Variants in FGF13 observed in about 807,000 individuals in gnomAD.
FGF13 encodes the protein fibroblast growth factor 13, also known as fibroblast growth factor homologous factor 2.
In FGF13, 2 loss-of-function variants were observed where a neutral mutation model predicts 19.5. That is an observed-to-expected ratio of 0.10 (90% CI 0.04 to 0.32). FGF13 has a LOEUF of 0.32. FGF13 is among the 10% of genes least tolerant of loss of function. The pLI is 1.00. For missense variants in FGF13, 113 were observed against 192.7 expected (o/e 0.59, Z 2.45); for synonymous variants, 72 against 76.9 (o/e 0.94, Z 0.33).
intron 1 of FGF13, among the ~76,000 whole-genome samples, chrX:139,107,607 G>A (rs919572033): frequency 9.0e-6 from 1 of 111,015 alleles, no homozygotes; most frequent in African/African-American, 3.3e-5. Context: ...GGAGGGAAAG[G>A]AGAGAGGGAG....
chrX:139,009,268 A>C (rs181752826), intron 1 of FGF13, among the ~76,000 whole-genome samples: 1 of 111,984 alleles, frequency 8.9e-6, no homozygotes, highest in East Asian at 2.8e-4. Context: ...ACCTTGCTAG[A>C]GATCTAGAAA....
intron 3 of FGF13, among the ~76,000 whole-genome samples, chrX:138,643,808 G>GT (rs1203692337): frequency 1.8e-5 from 2 of 111,270 alleles, no homozygotes; most frequent in South Asian, 3.8e-4. Flanking sequence ...CAGTATATTG[G>GT]TTTTTTTAAT....
intron 1 of FGF13, among the ~76,000 whole-genome samples, chrX:139,021,145 G>A (rs1380855189): frequency 9.0e-6 from 1 of 111,176 alleles, no homozygotes; most frequent in African/African-American, 3.3e-5. Context: ...TAAAATGTAT[G>A]TATAAATAAA....
chrX:138,826,776 C>T (rs2091037094), intron 3 of FGF13, among the ~76,000 whole-genome samples: 1 of 112,481 alleles, frequency 8.9e-6, no homozygotes, highest in Admixed American at 9.4e-5. Flanking sequence ...TGAATAATCA[C>T]TCCCATTTAC....
Position 138,632,766 on chromosome X carries a change from C to A in FGF13, c.*84G>T. 2 of 1,082,320 alleles carry A rather than the reference C, an allele frequency of 1.8e-6. No homozygotes were observed. Among genetic ancestry groups the A allele is most frequent in the Non-Finnish European group, 2.5e-6 (2 of 809,001 alleles). The allele number at this position is 1,082,320 out of a possible 1,213,427, so 89.2% of individuals were successfully genotyped here. Reference sequence around the variant, plus strand: ...GGTAAATGTCACTGACAAATTTGAACTTTTGGGTGAAGGACTGCTAGAAGA... The same window carrying A: ...GGTAAATGTCACTGACAAATTTGAAATTTTGGGTGAAGGACTGCTAGAAGA... On this transcript the variant is annotated 3_prime_UTR_variant, in exon 5 of 5. Transcript: ENST00000315930.
intron 1 of FGF13, among the ~76,000 whole-genome samples, chrX:139,048,759 T>C (rs62602238): frequency 0.13 from 13,979 of 110,576 alleles, 705 homozygotes; most frequent in South Asian, 0.19. Context: ...ATAATATATA[T>C]TTTGCACCAA....
At chrX:138,883,860 T>C (rs1335331390) in intron 1 of FGF13, among the ~76,000 whole-genome samples, 2 of 111,777 alleles carry the variant, frequency 1.8e-5, no homozygotes, top group Non-Finnish European at 3.8e-5. Flanking sequence ...TGGAAATTCA[T>C]TGGCATCCCC....
intron 1 of FGF13, among the ~76,000 whole-genome samples, chrX:138,935,263 G>A (rs1322121123): frequency 1.8e-5 from 2 of 111,276 alleles, no homozygotes; most frequent in South Asian, 3.8e-4. Context: ...AAGCTGGGAC[G>A]CTGAGCGTTT....
intron 1 of FGF13, among the ~76,000 whole-genome samples, chrX:139,102,666 C>T (rs1223453068): frequency 3.6e-5 from 4 of 112,128 alleles, no homozygotes; most frequent in African/African-American, 1.3e-4. Flanking sequence ...TGATCCCTGG[C>T]CTCAAGAGGT....
intron 1 of FGF13, among the ~76,000 whole-genome samples, chrX:139,115,095 C>G (rs1249491280): frequency 9.0e-6 from 1 of 111,602 alleles, no homozygotes; most frequent in Non-Finnish European, 1.9e-5. Flanking sequence ...GAAAACTCAA[C>G]TGGAAGTCTC....
chrX:139,124,242 T>C (rs1329446056), intron 1 of FGF13, among the ~76,000 whole-genome samples: 1 of 112,749 alleles, frequency 8.9e-6, no homozygotes. Flanking sequence ...ACAGACGTCA[T>C]GTGTTCAGCC....
chrX:138,732,015 T>C (rs2090235881), intron 1 of FGF13, among the ~76,000 whole-genome samples: 1 of 111,506 alleles, frequency 9.0e-6, no homozygotes, highest in African/African-American at 3.2e-5. Context: ...ATTAGGCAGA[T>C]GCAAATTATT....
At chrX:138,883,130 GT>G (rs2091436151) in intron 1 of FGF13, among the ~76,000 whole-genome samples, 2 of 112,310 alleles carry the variant, frequency 1.8e-5, no homozygotes, top group East Asian at 5.6e-4. Flanking sequence ...CAACAAAGAA[GT>G]TTTCTGCTGC....
At chrX:138,977,801 C>G (rs2091945826) in intron 1 of FGF13, among the ~76,000 whole-genome samples, 1 of 111,968 alleles carries the variant, frequency 8.9e-6, no homozygotes, top group African/African-American at 3.2e-5. Flanking sequence ...CGTCACTGTT[C>G]TCATGAATTA....
chrX:138,772,129 A>C (rs1166074324), intron 3 of FGF13, among the ~76,000 whole-genome samples: 2 of 102,868 alleles, frequency 1.9e-5, no homozygotes, highest in Non-Finnish European at 4.0e-5. Flanking sequence ...ATATGCACAA[A>C]ATTTATTTTA....
intron 1 of FGF13, among the ~76,000 whole-genome samples, chrX:139,117,767 C>T (rs1320034222): frequency 2.7e-5 from 3 of 111,825 alleles, no homozygotes; most frequent in Non-Finnish European, 3.8e-5. Flanking sequence ...CTCACAGATG[C>T]CTGGGGTAAT....
At chrX:138,996,255 T>TG (rs1444841150) in intron 1 of FGF13, among the ~76,000 whole-genome samples, 4 of 112,371 alleles carry the variant, frequency 3.6e-5, no homozygotes, top group African/African-American at 1.3e-4. Context: ...TGCAAGCAGT[T>TG]GGGGGATTTC....
intron 3 of FGF13, among the ~76,000 whole-genome samples, chrX:138,749,455 C>T (rs148825495): frequency 0.024 from 2,612 of 110,956 alleles, 33 homozygotes; most frequent in Non-Finnish European, 0.032. Context: ...GGCGGGTACC[C>T]ATGCCTACCT....
intron 2 of FGF13, among the ~76,000 whole-genome samples, chrX:138,860,090 G>A (rs1283242521): frequency 1.8e-5 from 2 of 111,639 alleles, no homozygotes; most frequent in Non-Finnish European, 3.8e-5. Context: ...ATGTTATGTT[G>A]GCAAAAGAGC....
Sources: gnomAD v4.1 joint callset for allele counts (sites outside exome capture counted in the v4.1 genomes callset) on GRCh38, gnomAD v4.1.1 for gene constraint, MANE v1.5 for transcripts, NCBI Gene and HGNC (gene_info 2026-07-23, HGNC 2026-07-21) for gene names.